Variants in DPH2 observed in about 807,000 individuals in gnomAD.
The protein encoded by DPH2 is 2-(3-amino-3-carboxypropyl)histidine synthase subunit 2.
DPH2 carries 28 observed loss-of-function variants against 42.5 expected under a neutral mutation model. That is an observed-to-expected ratio of 0.66 (90% CI 0.49 to 0.90). The LOEUF (loss-of-function observed/expected upper bound fraction) is 0.90. Among genes scored for constraint, DPH2 ranks in the 40% least tolerant of loss-of-function variants. The probability of loss-of-function intolerance (pLI) is 0.00; values close to 1 mark genes in which losing one functional copy is unlikely to be tolerated. For missense variants in DPH2, 576 were observed against 636.0 expected, an observed-to-expected ratio of 0.91 and a Z score of 1.01; for synonymous variants, 279 against 264.4, an observed-to-expected ratio of 1.06 and a Z score of -0.53.
Position 43,972,841 on chromosome 1 carries a change from T to G in DPH2, c.*302T>G. On this transcript the variant is annotated 3_prime_UTR_variant, in exon 6 of 6. Coordinates refer to ENST00000255108, the MANE Select transcript of DPH2 (RefSeq NM_001384.5). ...GCCCAGGACCTTTGGCCAATCCCAG[T>G]TCCCAGGCTGCAGTTGAGGGTCTGT... 1.5e-5 allele frequency: 5 copies of G among 327,944 alleles called. No homozygotes were observed. Among genetic ancestry groups the G allele is most frequent in the East Asian group, 7.1e-5 (1 of 14,150 alleles). 20.3% of individuals were successfully genotyped at this position (327,944 alleles called of 1,614,324 possible).
At position 43,971,720 on chromosome 1, in the gene DPH2, A is replaced by G; in HGVS notation, c.818A>G (p.Tyr273Cys). 1.2e-6 allele frequency: 2 copies of G among 1,612,418 alleles called. No individual in the cohort carries two copies. Among genetic ancestry groups the G allele is most frequent in the Non-Finnish European group, 1.7e-6 (2 of 1,179,944 alleles). The change falls in exon 4 of 6, where the codon TAT becomes TGT. Residue 273 changes from tyrosine to cysteine, a missense_variant. Around this residue, in one of 3 missense-constraint regions of DPH2, gnomAD observed 395 missense variants for 435.2 expected, o/e 0.91. Transcript: ENST00000255108. Reference sequence around the variant, plus strand: ...GGACGGCTAAGGGCACGAAGACGATATCTGGTAGAGAGGGCCAGAGATGCC... The same window carrying G: ...GGACGGCTAAGGGCACGAAGACGATGTCTGGTAGAGAGGGCCAGAGATGCC... The part of the protein sequence containing the change: ...RAGRLRARRR[Y>C]LVERARDARV...
Position 43,971,777 on chromosome 1 carries a change from G to C in DPH2, c.875G>C (p.Gly292Ala). 2 of 1,610,342 alleles carry C rather than the reference G, an allele frequency of 1.2e-6. No individual in the cohort carries two copies. Among genetic ancestry groups the C allele is most frequent in the Non-Finnish European group, 1.7e-6 (2 of 1,179,952 alleles). ...RVVGLLAGTL[G>A]VAQHREALAH... ...GTAGGGCTGCTGGCAGGCACACTGG[G>C]TGTAGCCCAACACCGTGAGGCACTG... The change falls in exon 4 of 6, where the codon GGT becomes GCT. Residue 292 changes from glycine (G) to alanine (A), a missense_variant. This residue lies in a region of DPH2 where 395 missense variants were observed against 435.2 expected (regional missense o/e 0.91). Coordinates refer to ENST00000255108, the MANE Select transcript of DPH2 (RefSeq NM_001384.5).
Position 43,972,696 on chromosome 1 carries a change from C to T in DPH2, c.*157C>T. The T allele has an allele frequency of 9.5e-7, 1 of 1,050,334 alleles. No individual in the cohort carries two copies. The highest frequency in any genetic ancestry group is 1.4e-6 in the Non-Finnish European group (1 of 732,000). The allele number at this position is 1,050,334 out of a possible 1,614,324, so 65.1% of individuals were successfully genotyped here. A position where few individuals can be genotyped will look rare whatever the true frequency, so the allele number is the denominator to read the frequency against. ...TTCACAGGATAGGATCCGTCTCTGT[C>T]CTGTCCTGGCACTGGCACAAGCTCA... On this transcript the variant is annotated 3_prime_UTR_variant, in exon 6 of 6. Coordinates refer to ENST00000255108, the MANE Select transcript of DPH2 (RefSeq NM_001384.5).
intron 2 of DPH2, 128 bp from the exon 3 acceptor site, chr1:43,970,838 G>T: frequency 7.7e-7 from 1 of 1,293,660 alleles, no homozygotes; most frequent in Non-Finnish European, 1.1e-6. Context: ...CCCTTCTGAT[G>T]CTAGCTCCTT....
At position 43,972,485 on chromosome 1, in the gene DPH2, T is replaced by C. The variant is rs2085456177; in HGVS notation, c.1416T>C (p.Ala472=). ...TGGGTCAGACGCCAGTGACAGAAGC[T>C]GTGAGTGGAAGACGAGGGATTGCCA... ...PRLGQTPVTE[A]VSGRRGIAIA... Residue 472 remains alanine, a synonymous_variant, in exon 6 of 6, where the codon GCT becomes GCC. Coordinates refer to ENST00000255108, the MANE Select transcript of DPH2 (RefSeq NM_001384.5). 2 of 1,614,212 alleles carry C rather than the reference T, an allele frequency of 1.2e-6. No homozygotes were observed. The highest frequency in any genetic ancestry group is 1.7e-6 in the Non-Finnish European group (2 of 1,180,032).
Position 43,971,942 on chromosome 1 carries a change from C to A in DPH2, c.1040C>A (p.Ala347Asp). 1 of 1,614,176 alleles carries A rather than the reference C, an allele frequency of 6.2e-7. No individual in the cohort carries two copies. The change falls in exon 4 of 6, where the codon GCC (alanine) becomes GAC (aspartate). Residue 347 changes from alanine to aspartate, a missense_variant. Transcript: ENST00000255108. ...VLLACPLGAL[A>D]PQLSGSFFQP... ...TTAGCCTGTCCTCTGGGTGCTCTAG[C>A]CCCCCAGCTTTCTGGTAGCTTCTTC...
chr1:43,970,607 G>A lies in DPH2; in HGVS notation c.159G>A (p.Gln53=). ...GTTTATGCTTATAGGTTGCCTTGCA[G>A]TTCCCTGACCAGCTATTGGGAGATG... ...RDLGCERVAL[Q]FPDQLLGDAV... is the part of the protein sequence containing the mutation. Residue 53 remains glutamine, a synonymous_variant, in exon 2 of 6, where the codon CAG becomes CAA. Coordinates refer to ENST00000255108, the MANE Select transcript of DPH2 (RefSeq NM_001384.5). The A allele has an allele frequency of 5.0e-6, 8 of 1,614,188 alleles. No homozygotes were observed. Among genetic ancestry groups the A allele is most frequent in the Non-Finnish European group, 5.1e-6 (6 of 1,180,036 alleles).
At position 43,972,469 on chromosome 1, in the gene DPH2, C is replaced by A; in HGVS notation, c.1400C>A (p.Thr467Lys). The A allele has an allele frequency of 1.9e-6, 3 of 1,614,220 alleles. No homozygotes were observed. Among genetic ancestry groups the A allele is most frequent in the Non-Finnish European group, 2.5e-6 (3 of 1,180,046 alleles). Residue 467 changes from threonine to lysine, a missense_variant, in exon 6 of 6, where the codon ACG becomes AAG. Coordinates refer to ENST00000255108, the MANE Select transcript of DPH2 (RefSeq NM_001384.5). The stretch of plus-strand genomic sequence containing the variant: ...GGGCTGGAGCCCCGCCTGGGTCAGA[C>A]GCCAGTGACAGAAGCTGTGAGTGGA... ...WQGLEPRLGQ[T>K]PVTEAVSGRR...
rs754598526 is a variant in DPH2, at chr1:43,970,313, G to T, written c.138G>T (p.Gly46=). 1 of 1,614,062 alleles carries T rather than the reference G, an allele frequency of 6.2e-7. No homozygotes were observed. Among genetic ancestry groups the T allele is most frequent in the Non-Finnish European group, 8.5e-7 (1 of 1,179,968 alleles). Residue 46 remains glycine, a synonymous_variant, in exon 1 of 6, where the codon GGG becomes GGT. Coordinates refer to ENST00000255108, the MANE Select transcript of DPH2 (RefSeq NM_001384.5). ...ERVAGFVRDL[G]CERVALQFPD... is the part of the protein sequence containing the mutation. ...TCGCTGGATTTGTCCGCGACCTGGG[G>T]TGTGAACGAGTGAGGACAGACTTAG...
rs74392090 is a variant in DPH2, at chr1:43,971,146, G to A, written c.441G>A (p.Ala147=). Residue 147 remains alanine (A), a synonymous_variant, in exon 3 of 6, where the codon GCG becomes GCA. Coordinates refer to ENST00000255108, the MANE Select transcript of DPH2 (RefSeq NM_001384.5). ...AGGCCCAGAACCCAGACCCCAAAGC[G>A]CCTGTGGTGCTGCTGAGTGAGCCGG... ...AFEAQNPDPK[A]PVVLLSEPAC... is the part of the protein sequence containing the mutation. 2.7e-4 allele frequency: 417 copies of A among 1,556,688 alleles called. 6 individuals carry two copies. In the East Asian group the frequency reaches 9.1e-3, roughly 34 times the overall value.
chr1:43,970,777 G>A, intron 2 of DPH2, 69 bp downstream of exon 2: 1 of 1,459,754 alleles, frequency 6.9e-7, no homozygotes. Context: ...GTCTATGACA[G>A]TGATTGCCTT....
In DPH2 at chr1:43,970,024, C is replaced by G. The variant is rs1470321146; in HGVS notation, c.-152C>G. 8.1e-6 allele frequency: 7 copies of G among 860,936 alleles called. No homozygotes were observed. Among genetic ancestry groups the G allele is most frequent in the Non-Finnish European group, 1.2e-5 (7 of 575,950 alleles). The allele number at this position is 860,936 out of a possible 1,614,324, so 53.3% of individuals were successfully genotyped here. ...AGCGGAGAAACAGTAGTTAGGATGGCTGAAGGGGATACTCACCGGCTGAAG... is the reference window on the plus strand; with the variant it reads ...AGCGGAGAAACAGTAGTTAGGATGGGTGAAGGGGATACTCACCGGCTGAAG... On this transcript the variant is annotated 5_prime_UTR_variant, in exon 1 of 6. Transcript: ENST00000255108.
intron 2 of DPH2, 122 bp downstream of exon 2, chr1:43,970,830 C>A: frequency 7.8e-7 from 1 of 1,285,508 alleles, no homozygotes; most frequent in Non-Finnish European, 1.1e-6. Flanking sequence ...AATGACTCCC[C>A]TTCTGATGCT....
At position 43,970,127 on chromosome 1, in the gene DPH2, G is replaced by A; in HGVS notation, c.-49G>A. 3 of 1,596,600 alleles carry A rather than the reference G, an allele frequency of 1.9e-6. No individual in the cohort carries two copies. The highest frequency in any genetic ancestry group is 1.7e-4 in the Middle Eastern group (1 of 5,910). Reference sequence around the variant, plus strand: ...TGCTCTAGAGGACTCAGGCCCCGAAGCTGTCCCAGGGAGGTCCCCGCTGCA... The same window carrying A: ...TGCTCTAGAGGACTCAGGCCCCGAAACTGTCCCAGGGAGGTCCCCGCTGCA... On this transcript the variant is annotated 5_prime_UTR_variant, in exon 1 of 6. Coordinates refer to ENST00000255108, the MANE Select transcript of DPH2 (RefSeq NM_001384.5).
chr1:43,972,019 C>A lies in DPH2; in HGVS notation c.1117C>A (p.Pro373Thr). The A allele has an allele frequency of 6.2e-7, 1 of 1,614,128 alleles. No homozygotes were observed. Among genetic ancestry groups the A allele is most frequent in the South Asian group, 1.1e-5 (1 of 91,086 alleles). Residue 373 changes from proline to threonine, a missense_variant, in exon 4 of 6, where the codon CCA becomes ACA. This residue lies in a region of DPH2 where 178 missense variants were observed against 184.4 expected (regional missense o/e 0.97). Transcript: ENST00000255108. The part of the protein sequence containing the change: ...ELEAACNPAW[P>T]PPGLAPHLTH... Reference sequence around the variant, plus strand: ...GGAAGCTGCCTGCAACCCTGCCTGGCCACCTCCAGGCCTGGCTCCCCACCT... The same window carrying A: ...GGAAGCTGCCTGCAACCCTGCCTGGACACCTCCAGGCCTGGCTCCCCACCT...
Position 43,972,685 on chromosome 1 carries a change from TC to T in DPH2, c.*148del. ...GCAGGCAGCCCTTCACAGGATAGGA[TC>T]CGTCTCTGTCCTGTCCTGGCACTGG... On this transcript the variant is annotated 3_prime_UTR_variant, in exon 6 of 6. Transcript: ENST00000255108. 8.8e-7 allele frequency: 1 copy of T among 1,139,238 alleles called. No homozygotes were observed. Among genetic ancestry groups the T allele is most frequent in the Non-Finnish European group, 1.2e-6 (1 of 806,092 alleles). The allele number at this position is 1,139,238 out of a possible 1,614,324, so 70.6% of individuals were successfully genotyped here. A position where few individuals can be genotyped will look rare whatever the true frequency, so the allele number is the denominator to read the frequency against.
rs1420370155 is a variant in DPH2 at position 43,973,222 on chromosome 1, AAG to A, written c.*684_*685del. On this transcript the variant is annotated 3_prime_UTR_variant, in exon 6 of 6. Coordinates refer to ENST00000255108, the MANE Select transcript of DPH2 (RefSeq NM_001384.5). ...AGTTTCTCAGTCACATTAGTCATTC[AAG>A]TGTTCAGACAGCCACATGAGGGGAC... The A allele has an allele frequency of 6.6e-6, 1 of 152,302 alleles. No homozygotes were observed. The highest frequency in any genetic ancestry group is 2.4e-5 in the African/African-American group (1 of 41,472). 9.4% of individuals were successfully genotyped at this position (152,302 alleles called of 1,614,324 possible). A position where few individuals can be genotyped will look rare whatever the true frequency, so the allele number is the denominator to read the frequency against.
chr1:43,972,103 C>A, intron 4 of DPH2, 33 bp downstream of exon 4: 1 of 1,609,198 alleles, frequency 6.2e-7, no homozygotes, highest in Non-Finnish European at 8.5e-7. Context: ...AAGCTGGAAA[C>A]CTGGGGCACG....
At position 43,972,517 on chromosome 1, in the gene DPH2, A is replaced by T. The variant is rs768342421; in HGVS notation, c.1448A>T (p.Tyr483Phe). 1 of 1,614,236 alleles carries T rather than the reference A, an allele frequency of 6.2e-7. No homozygotes were observed. Among genetic ancestry groups the T allele is most frequent in the South Asian group, 1.1e-5 (1 of 91,088 alleles). Residue 483 changes from tyrosine (Y) to phenylalanine (F), a missense_variant, in exon 6 of 6, where the codon TAT (tyrosine) becomes TTT (phenylalanine). Around this residue, in one of 3 missense-constraint regions of DPH2, gnomAD observed 178 missense variants for 184.4 expected, o/e 0.97. Coordinates refer to ENST00000255108, the MANE Select transcript of DPH2 (RefSeq NM_001384.5). Reference protein sequence around the residue: ...VSGRRGIAIAYEDEGSG With the variant: ...VSGRRGIAIAFEDEGSG The stretch of plus-strand genomic sequence containing the variant: ...GGAAGACGAGGGATTGCCATCGCCT[A>T]TGAGGATGAGGGAAGCGGCTGATAC...
Sources: gnomAD v4.1 joint callset for allele counts on GRCh38, gnomAD v4.1.1 for gene constraint, gnomAD v4.1.1 regional missense constraint, MANE v1.5 for transcripts, NCBI Gene and HGNC (gene_info 2026-07-23, HGNC 2026-07-21) for gene names.